TRIM22: variants seen among roughly 807,000 people sequenced by gnomAD.
The protein encoded by TRIM22 is tripartite motif containing 22, also known as E3 ubiquitin-protein ligase TRIM22.
A neutral mutation model predicts 53.6 loss-of-function variants in TRIM22; 45 were observed. The observed-to-expected ratio is 0.84, with a 90% CI of 0.66 to 1.08. TRIM22 has a LOEUF of 1.08. Ranked by LOEUF, TRIM22 falls within the 50% of genes least tolerant of loss-of-function variation. The probability of loss-of-function intolerance (pLI) is 0.00; values close to 1 mark genes in which losing one functional copy is unlikely to be tolerated. For synonymous variants in TRIM22, 225 were observed against 216.6 expected, an observed-to-expected ratio of 1.04 and a Z score of -0.34; for missense variants, 616 against 590.9, an observed-to-expected ratio of 1.04 and a Z score of -0.44.
intron 4 of TRIM22, among the ~76,000 whole-genome samples, chr11:5,704,793 GT>G (rs1404698267): frequency 2.0e-5 from 3 of 152,108 alleles, no homozygotes; most frequent in African/African-American, 7.2e-5. Flanking sequence ...AGTTATAGTG[GT>G]TATATGGTAT....
chr11:5,708,410 G>A (rs1016555416), intron 6 of TRIM22, 137 bp downstream of exon 6: 1 of 993,506 alleles, frequency 1.0e-6, no homozygotes, highest in Middle Eastern at 2.1e-4. Flanking sequence ...TGCTGTAGAT[G>A]TGGTCCTGTC....
intron 4 of TRIM22, among the ~76,000 whole-genome samples, chr11:5,700,576 A>G (rs1299429370): frequency 2.4e-5 from 2 of 83,100 alleles, no homozygotes; most frequent in Non-Finnish European, 4.4e-5. Context: ...GATGTTAGCT[A>G]TAGGAGTCTT....
At position 5,699,246 on chromosome 11, in the gene TRIM22, C is replaced by T. The variant is rs11038758; in HGVS notation, c.750+701C>T. 6.2e-5 allele frequency among the ~76,000 whole-genome samples: 8 copies of T among 128,516 alleles called. 1 individual carries two copies. The highest frequency in any genetic ancestry group is 4.0e-4 in the East Asian group (2 of 5,012). 84.3% of individuals were successfully genotyped at this position (128,516 alleles called of 152,430 possible). On this transcript the variant is annotated intron_variant, in intron 4 of 7. Coordinates refer to ENST00000379965, the MANE Select transcript of TRIM22 (RefSeq NM_006074.5). ...TTTTAAGAGTGTTGTATGTTGTGGC[C>T]GGGCGCGGTGGCTCACGCCTGTAAT... is the stretch of plus-strand genomic sequence containing the variant.
In TRIM22 at chr11:5,708,226, G is replaced by C. The variant is rs1406361532; in HGVS notation, c.827G>C (p.Ser276Thr). 6.2e-7 allele frequency: 1 copy of C among 1,614,104 alleles called. No homozygotes were observed. The highest frequency in any genetic ancestry group is 8.5e-7 in the Non-Finnish European group (1 of 1,180,042). Residue 276 changes from serine to threonine, a missense_variant, in exon 6 of 8, where the codon AGT (serine) becomes ACT (threonine). Transcript: ENST00000379965. ...KPKSVSKKLK[S>T]VFRVPDLSGM... ...AAATCTGTTTCCAAGAAACTAAAGAGTGTATTCCGAGTACCAGATCTGAGT... is the reference window on the plus strand; with the variant it reads ...AAATCTGTTTCCAAGAAACTAAAGACTGTATTCCGAGTACCAGATCTGAGT...
In TRIM22 at chr11:5,709,460, G is replaced by C. The variant is rs1280725571; in HGVS notation, c.1309G>C (p.Ala437Pro). The stretch of plus-strand genomic sequence containing the variant: ...TCCCAAGGTTTTGACTCTCTTTATG[G>C]CTGTGCCTCCCTGTCGTATTGGGGT... ...SDPKVLTLFMAVPPCRIGVFL... is the reference protein window; with the variant it reads ...SDPKVLTLFMPVPPCRIGVFL... The change falls in exon 8 of 8, where the codon GCT becomes CCT. Residue 437 changes from alanine (A) to proline (P), a missense_variant. Physicochemically the swap from Ala to Pro is conservative, Grantham distance 27. Coordinates refer to ENST00000379965, the MANE Select transcript of TRIM22 (RefSeq NM_006074.5). The C allele has an allele frequency of 6.2e-7, 1 of 1,614,114 alleles. No individual in the cohort carries two copies.
chr11:5,691,755 C>G (rs1324578138), intron 1 of TRIM22, among the ~76,000 whole-genome samples: 1 of 152,196 alleles, frequency 6.6e-6, no homozygotes, highest in African/African-American at 2.4e-5. Flanking sequence ...TGAGTCTTAT[C>G]TCGATCTTAT....
At chr11:5,693,017 A>G (rs537653891) in intron 1 of TRIM22, among the ~76,000 whole-genome samples, 5 of 151,556 alleles carry the variant, frequency 3.3e-5, no homozygotes, top group Middle Eastern at 3.4e-3. Flanking sequence ...CGGGGACTAC[A>G]AGCAACTGCT....
intron 7 of TRIM22, 123 bp from the exon 8 acceptor site, chr11:5,708,930 C>T (rs752707891): frequency 2.7e-5 from 21 of 789,912 alleles, no homozygotes; most frequent in Non-Finnish European, 4.3e-5. Context: ...CTACTAACCT[C>T]TGACTATCAA....
At chr11:5,704,132 C>A (rs1590318818) in intron 4 of TRIM22, among the ~76,000 whole-genome samples, 1 of 152,208 alleles carries the variant, frequency 6.6e-6, no homozygotes, top group South Asian at 2.1e-4. Flanking sequence ...CCAGCAATCC[C>A]CCTGCTGGGT....
chr11:5,690,433 T>A (rs944004786), intron 1 of TRIM22, among the ~76,000 whole-genome samples: 1 of 152,006 alleles, frequency 6.6e-6, no homozygotes, highest in Non-Finnish European at 1.5e-5. Flanking sequence ...TTAGATAAGG[T>A]GGGCACGTGA....
intron 1 of TRIM22, among the ~76,000 whole-genome samples, chr11:5,694,407 A>T (rs1383184630): frequency 1.3e-5 from 2 of 152,208 alleles, no homozygotes; most frequent in African/African-American, 2.4e-5. Context: ...GTCCAGGCCA[A>T]GGTGAAATTT....
intron 1 of TRIM22, among the ~76,000 whole-genome samples, chr11:5,694,113 CTAAA>C (rs1254177839): frequency 6.6e-6 from 1 of 152,198 alleles, no homozygotes; most frequent in Non-Finnish European, 1.5e-5. Context: ...CACATGGTAA[CTAAA>C]TAGTATTTAA....
intron 4 of TRIM22, among the ~76,000 whole-genome samples, chr11:5,702,111 T>G (rs575010414): frequency 7.4e-4 from 108 of 146,516 alleles, no homozygotes; most frequent in African/African-American, 2.3e-3. Flanking sequence ...TATACATAAC[T>G]AATATATATT....
intron 1 of TRIM22, among the ~76,000 whole-genome samples, chr11:5,692,761 AC>A (rs1441418508): frequency 1.4e-5 from 2 of 142,878 alleles, no homozygotes; most frequent in Non-Finnish European, 3.0e-5. Context: ...GGAGTTTGAG[AC>A]CAGCCTGGGC....
chr11:5,695,314 G>C (rs567037465), intron 1 of TRIM22, among the ~76,000 whole-genome samples: 8 of 152,226 alleles, frequency 5.3e-5, no homozygotes, highest in Non-Finnish European at 1.0e-4. Flanking sequence ...ATCAGGGGGA[G>C]GATCATTTTA....
At chr11:5,695,065 G>A (rs1564939580) in intron 1 of TRIM22, among the ~76,000 whole-genome samples, 1 of 152,138 alleles carries the variant, frequency 6.6e-6, no homozygotes, top group Admixed American at 6.5e-5. Context: ...ACTTTTCTAG[G>A]TATAGAGGAC....
intron 1 of TRIM22, among the ~76,000 whole-genome samples, chr11:5,695,615 T>C (rs1019127545): frequency 6.6e-6 from 1 of 151,892 alleles, no homozygotes; most frequent in Admixed American, 6.6e-5. Context: ...GTTACAGTAA[T>C]AGTTATATAG....
chr11:5,700,614 T>A (rs2134178124), intron 4 of TRIM22, among the ~76,000 whole-genome samples: 2 of 97,040 alleles, frequency 2.1e-5, no homozygotes, highest in South Asian at 7.0e-4. Flanking sequence ...TTCAGATTTG[T>A]AATGAAGTTG....
intron 4 of TRIM22, among the ~76,000 whole-genome samples, chr11:5,702,139 A>T (rs1853382795): frequency 6.8e-6 from 1 of 146,184 alleles, no homozygotes; most frequent in Admixed American, 6.9e-5. Context: ...TATTACATAT[A>T]CATAACGAAT....
Sources: gnomAD v4.1 joint callset for allele counts (sites outside exome capture counted in the v4.1 genomes callset) on GRCh38, gnomAD v4.1.1 for gene constraint, MANE v1.5 for transcripts, NCBI Gene and HGNC (gene_info 2026-07-23, HGNC 2026-07-21) for gene names.